The following RAD51B variants were observed in gnomAD, a reference collection of about 807,000 sequenced individuals.
RAD51B encodes RAD51 paralog B.
RAD51B carries 38 observed loss-of-function variants against 42.2 expected under a neutral mutation model. The observed-to-expected ratio is 0.90, with a 90% CI of 0.70 to 1.18. The LOEUF (loss-of-function observed/expected upper bound fraction) is 1.18, where lower values mean the gene tolerates loss of function less well. Ranked by LOEUF, RAD51B falls within the 50% of genes most tolerant of loss-of-function variation. RAD51B has a pLI of 0.00. For missense variants in RAD51B, 373 were observed against 400.7 expected (o/e 0.93, Z 0.59); for synonymous variants, 154 against 145.2 (o/e 1.06, Z -0.43).
chr14:68,558,343 A>G (rs118116709), intron 10 of RAD51B, among the ~76,000 whole-genome samples: 165 of 152,340 alleles, frequency 1.1e-3, no homozygotes, highest in Non-Finnish European at 1.9e-3. Flanking sequence ...GCTTCATTCC[A>G]TTCGGCCACG....
At chr14:68,119,759 A>C in intron 7 of RAD51B, among the ~76,000 whole-genome samples, 1 of 151,628 alleles carries the variant, frequency 6.6e-6, no homozygotes, top group Non-Finnish European at 1.5e-5. Flanking sequence ...TGCTATTGTG[A>C]ATATTGCCGC....
intron 9 of RAD51B, among the ~76,000 whole-genome samples, chr14:68,457,564 T>C (rs2085728994): frequency 6.6e-6 from 1 of 152,108 alleles, no homozygotes; most frequent in Admixed American, 6.5e-5. Context: ...GTTGATAAGT[T>C]TTCTCTGATT....
chr14:68,361,968 A>G (rs565776261), intron 8 of RAD51B, among the ~76,000 whole-genome samples: 11 of 152,278 alleles, frequency 7.2e-5, no homozygotes, highest in African/African-American at 2.6e-4. Flanking sequence ...GAACCACTGC[A>G]CCTGGCCCCT....
At chr14:68,594,916 G>A (rs1890927371) in exon 11 of RAD51B, 1 of 1,095,228 alleles carries the variant, frequency 9.1e-7, no homozygotes, top group Non-Finnish European at 1.1e-6. Flanking sequence ...TTGCTGCTGA[G>A]CTAAAGGACC....
At chr14:67,940,042 ATATATATATATATTTTTTTTTTTTTTTTT>A (rs2045118876) in intron 7 of RAD51B, among the ~76,000 whole-genome samples, 1 of 12,380 alleles carries the variant, frequency 8.1e-5, no homozygotes, top group South Asian at 4.1e-3. Context: ...ATATATATAT[ATATATATATATATTTTTTTTTTTTTTTTT>A]TTTTTTTTTT....
At chr14:68,331,728 C>T (rs1273599603) in intron 8 of RAD51B, among the ~76,000 whole-genome samples, 1 of 152,140 alleles carries the variant, frequency 6.6e-6, no homozygotes, top group African/African-American at 2.4e-5. Flanking sequence ...GGAGGGTTTC[C>T]AGCTTTTAAG....
intron 10 of RAD51B, among the ~76,000 whole-genome samples, chr14:68,507,103 C>T (rs1203825317): frequency 6.6e-6 from 1 of 152,072 alleles, no homozygotes; most frequent in Non-Finnish European, 1.5e-5. Context: ...GTGGGCATCA[C>T]CGCACAGGTG....
intron 7 of RAD51B, among the ~76,000 whole-genome samples, chr14:68,199,360 A>C (rs2079436980): frequency 1.3e-5 from 2 of 152,186 alleles, no homozygotes. Flanking sequence ...TGTCAGCTAA[A>C]ACCCCTAGAT....
At chr14:68,437,901 A>G (rs1345780325) in intron 9 of RAD51B, among the ~76,000 whole-genome samples, 3 of 152,156 alleles carry the variant, frequency 2.0e-5, no homozygotes, top group African/African-American at 7.2e-5. Flanking sequence ...GTGCATTGGT[A>G]TTTGCTTGAT....
At chr14:67,890,721 A>C (rs942383130) in intron 7 of RAD51B, among the ~76,000 whole-genome samples, 81 of 150,928 alleles carry the variant, frequency 5.4e-4, no homozygotes, top group African/African-American at 1.9e-3. Flanking sequence ...AATATTTAGG[A>C]GGTAACAGCT....
chr14:68,656,382 T>G (rs1398252852), intron 11 of RAD51B, among the ~76,000 whole-genome samples: 1 of 151,984 alleles, frequency 6.6e-6, no homozygotes, highest in Non-Finnish European at 1.5e-5. Context: ...TCCCAAAATA[T>G]AAAACCTTTG....
chr14:68,251,370 C>A (rs981209358), intron 7 of RAD51B, among the ~76,000 whole-genome samples: 12 of 152,060 alleles, frequency 7.9e-5, no homozygotes, highest in African/African-American at 2.7e-4. Flanking sequence ...GTGAAAAGAG[C>A]CAAGCGTGTG....
At chr14:68,001,673 A>G (rs1276794245) in intron 7 of RAD51B, among the ~76,000 whole-genome samples, 1 of 152,102 alleles carries the variant, frequency 6.6e-6, no homozygotes, top group East Asian at 1.9e-4. Flanking sequence ...TCTGTTAGCT[A>G]TTCTTCCTGA....
At chr14:68,432,821 T>C (rs1352353768) in intron 9 of RAD51B, among the ~76,000 whole-genome samples, 3 of 152,266 alleles carry the variant, frequency 2.0e-5, no homozygotes, top group Non-Finnish European at 4.4e-5. Flanking sequence ...TGCTCATTAG[T>C]TGATGCAGTT....
rs951854788 is a variant in RAD51B at position 67,820,837 on chromosome 14, A to G, written c.-3+984A>G. On this transcript the variant is annotated intron_variant, in intron 1 of 10. Transcript: ENST00000471583. ...GTCCTTTAACCTCCACTACAGTCAT[A>G]TGAAGTAGTAAATTCATATGACTGT... is the stretch of plus-strand genomic sequence containing the variant. Among the ~76,000 whole-genome samples, 3 of 152,218 alleles carry G rather than the reference A, an allele frequency of 2.0e-5. 1 individual carries two copies. The highest frequency in any genetic ancestry group is 6.3e-3 in the Middle Eastern group (2 of 316).
intron 7 of RAD51B, among the ~76,000 whole-genome samples, chr14:68,072,041 A>ATATATATATATAATTATATATATAAT: frequency 7.8e-6 from 1 of 128,060 alleles, no homozygotes; most frequent in African/African-American, 3.4e-5. Context: ...TAGATTTTAT[A>ATATATATATATAATTATATATATAAT]TATATATATA....
chr14:68,589,814 T>A (rs895486266), intron 10 of RAD51B, among the ~76,000 whole-genome samples: 6 of 152,238 alleles, frequency 3.9e-5, no homozygotes, highest in Non-Finnish European at 7.3e-5. Context: ...GACTTTATTT[T>A]CTTTCTAATG....
At chr14:68,416,858 T>C (rs1594805777) in intron 9 of RAD51B, among the ~76,000 whole-genome samples, 1 of 152,200 alleles carries the variant, frequency 6.6e-6, no homozygotes, top group East Asian at 1.9e-4. Context: ...GTTCTGCAGC[T>C]GCTTTCAGGG....
intron 10 of RAD51B, among the ~76,000 whole-genome samples, chr14:68,530,364 T>G (rs146655597): frequency 7.0e-6 from 1 of 143,412 alleles, no homozygotes; most frequent in African/African-American, 2.6e-5. Context: ...GGAGGATTGC[T>G]GGAGCCCAGA....
Sources: allele counts gnomAD v4.1 joint callset (sites outside exome capture counted in the v4.1 genomes callset), GRCh38; gene constraint gnomAD v4.1.1; transcripts MANE v1.5; gene names NCBI Gene and HGNC (gene_info 2026-07-23, HGNC 2026-07-21).